ZC3H11A: variants seen among roughly 807,000 people sequenced by gnomAD.
ZC3H11A encodes the protein zinc finger CCCH domain-containing protein 11A.
Under a neutral mutation model 90.8 loss-of-function variants are expected in ZC3H11A, and 22 were observed. That is an observed-to-expected ratio of 0.24 (90% CI 0.17 to 0.35). The LOEUF (loss-of-function observed/expected upper bound fraction) is 0.35. Ranked by LOEUF, ZC3H11A falls within the 10% of genes least tolerant of loss-of-function variation. ZC3H11A has a pLI of 1.00. For missense variants in ZC3H11A, 701 were observed against 964.9 expected (o/e 0.73, Z 3.62); for synonymous variants, 294 against 339.8 (o/e 0.87, Z 1.48).
chr1:203,800,360 G>C, intron 1 of ZC3H11A: 1 of 946,328 alleles, frequency 1.1e-6, no homozygotes, highest in South Asian at 1.4e-5. Flanking sequence ...TTCTGAAAAT[G>C]AACTTGAAAA....
chr1:203,830,925 A>ATTTTTT (rs774771270), intron 8 of ZC3H11A, among the ~76,000 whole-genome samples: 25 of 51,378 alleles, frequency 4.9e-4, no homozygotes, highest in African/African-American at 9.9e-4. Flanking sequence ...CCAACCCCCA[A>ATTTTTT]TTTTTTTTTT....
chr1:203,818,733 C>T (rs1308230945), intron 4 of ZC3H11A, 44 bp downstream of exon 4: 1 of 1,611,454 alleles, frequency 6.2e-7, no homozygotes, highest in Non-Finnish European at 8.5e-7. Context: ...GTCTGGAGAC[C>T]TGGTGGGCCA....
intron 2 of ZC3H11A, among the ~76,000 whole-genome samples, chr1:203,811,822 CTTTTT>C (rs766087522): frequency 7.5e-6 from 1 of 133,456 alleles, no homozygotes; most frequent in South Asian, 2.4e-4. Context: ...TTGTCTTTTT[CTTTTT>C]TTTTTTTTTT....
rs754795334 is a variant in ZC3H11A at position 203,828,430 on chromosome 1, C to G, written c.298+8C>G. 2.5e-6 allele frequency: 4 copies of G among 1,603,186 alleles called. No homozygotes were observed. The South Asian group carries it at 4.5e-5, about 18-fold the overall frequency. ...TCCTACCTCCGAGCAAAAGTGAGAT[C>G]AGTTTTTAATTTTAAAAGAATATCA... On this transcript the variant is annotated splice_region_variant and intron_variant, in intron 5 of 17. Transcript: ENST00000367210.
intron 12 of ZC3H11A, 31 bp downstream of exon 12, chr1:203,840,405 A>AT: frequency 6.3e-7 from 1 of 1,595,164 alleles, no homozygotes; most frequent in Non-Finnish European, 8.5e-7. Context: ...GATTCTGATT[A>AT]TTTTTTTCTT....
Position 203,852,430 on chromosome 1 carries a change from A to T in ZC3H11A, c.*31A>T. 1 of 1,604,532 alleles carries T rather than the reference A, an allele frequency of 6.2e-7. No individual in the cohort carries two copies. The highest frequency in any genetic ancestry group is 8.5e-7 in the Non-Finnish European group (1 of 1,176,354). ...GTAGTGAGGACACTTTAAAAAAAAA[A>T]TCGCCAAAAAACTGGACTTAGTTTC... On this transcript the variant is annotated 3_prime_UTR_variant, in exon 18 of 18. Transcript: ENST00000367210.
At chr1:203,799,312 G>A in intron 1 of ZC3H11A, 1 of 711,974 alleles carries the variant, frequency 1.4e-6, no homozygotes, top group Non-Finnish European at 2.5e-6. Flanking sequence ...GACTTTTTCT[G>A]CGAGCACAAA....
At chr1:203,840,224 C>A in intron 11 of ZC3H11A, 82 bp from the exon 12 acceptor site, 1 of 1,380,122 alleles carries the variant, frequency 7.2e-7, no homozygotes. Flanking sequence ...CAGGTGTATG[C>A]CACCATGCCC....
intron 2 of ZC3H11A, among the ~76,000 whole-genome samples, chr1:203,803,286 G>C (rs1347041867): frequency 6.6e-6 from 1 of 152,020 alleles, no homozygotes; most frequent in East Asian, 1.9e-4. Flanking sequence ...CCTCCTCCCA[G>C]GTTCAAGCAG....
At chr1:203,820,534 G>T (rs574597006) in intron 4 of ZC3H11A, among the ~76,000 whole-genome samples, 93 of 150,200 alleles carry the variant, frequency 6.2e-4, no homozygotes, top group Middle Eastern at 3.4e-3. Context: ...CTGGAGTGCA[G>T]TGGTGGGATC....
At chr1:203,809,367 G>A (rs2102601997) in intron 2 of ZC3H11A, among the ~76,000 whole-genome samples, 1 of 151,536 alleles carries the variant, frequency 6.6e-6, no homozygotes, top group South Asian at 2.1e-4. Context: ...AGTAGAGGCG[G>A]TGTTTCACCA....
chr1:203,800,276 C>A, intron 1 of ZC3H11A: 1 of 1,025,312 alleles, frequency 9.8e-7, no homozygotes, highest in Non-Finnish European at 1.5e-6. Context: ...CTGAATGTAT[C>A]TTTACTAAAA....
At position 203,831,760 on chromosome 1, in the gene ZC3H11A, C is replaced by G. The variant is rs371694128; in HGVS notation, c.800C>G (p.Ser267Cys). 2.7e-5 allele frequency: 44 copies of G among 1,611,518 alleles called. No individual in the cohort carries two copies. The highest frequency in any genetic ancestry group is 2.7e-4 in the Admixed American group (16 of 59,798). ...ACTGTGGTGAGGACAGTAACTCTCT[C>G]CACCAAACAAGGTAAGGTATAGATA... ...VRTVVRTVTL[S>C]TKQGEEPLVR... The change falls in exon 9 of 18, where the codon TCC becomes TGC. Residue 267 changes from serine to cysteine, a missense_variant. Around this residue, in one of 4 missense-constraint regions of ZC3H11A, gnomAD observed 530 missense variants for 696.2 expected, o/e 0.76. Coordinates refer to ENST00000367210, the MANE Select transcript of ZC3H11A (RefSeq NM_001376342.1).
At chr1:203,797,996 C>T (rs527999461) in intron 1 of ZC3H11A, 1 of 1,533,928 alleles carries the variant, frequency 6.5e-7, no homozygotes, top group South Asian at 1.2e-5. Context: ...AGAAAAGCGT[C>T]AGCAGGGGTA....
intron 17 of ZC3H11A, 100 bp from the exon 18 acceptor site, chr1:203,852,041 T>C (rs1320184397): frequency 7.4e-7 from 1 of 1,346,208 alleles, no homozygotes; most frequent in Non-Finnish European, 1.0e-6. Flanking sequence ...ATGTATGTTC[T>C]TAAAAACAAA....
intron 14 of ZC3H11A, 105 bp downstream of exon 14, chr1:203,848,512 G>A: frequency 1.3e-6 from 1 of 771,312 alleles, no homozygotes; most frequent in Non-Finnish European, 2.1e-6. Flanking sequence ...CATATATTAG[G>A]TAAACAGTCT....
At chr1:203,797,400 G>T in intron 1 of ZC3H11A, 1 of 938,496 alleles carries the variant, frequency 1.1e-6, no homozygotes, top group Non-Finnish European at 1.5e-6. Context: ...TGGTCCAGTG[G>T]GAATTTGATT....
chr1:203,820,905 T>C (rs1392286925), intron 4 of ZC3H11A, among the ~76,000 whole-genome samples: 1 of 152,202 alleles, frequency 6.6e-6, no homozygotes, highest in Non-Finnish European at 1.5e-5. Context: ...GCTTTCTTTT[T>C]GTAATTAATA....
intron 15 of ZC3H11A, 79 bp from the exon 16 acceptor site, chr1:203,850,436 T>C: frequency 2.6e-6 from 4 of 1,565,136 alleles, no homozygotes; most frequent in Non-Finnish European, 3.5e-6. Context: ...TGAAGGAGTT[T>C]TGATATTTTA....
Sources: gnomAD v4.1 joint callset for allele counts (sites outside exome capture counted in the v4.1 genomes callset) on GRCh38, gnomAD v4.1.1 for gene constraint, gnomAD v4.1.1 regional missense constraint, MANE v1.5 for transcripts, NCBI Gene and HGNC (gene_info 2026-07-23, HGNC 2026-07-21) for gene names.